The following IL7 variants were observed in gnomAD, a reference collection of about 807,000 sequenced individuals.
IL7 encodes the protein interleukin 7.
IL7 carries 3 observed loss-of-function variants against 21.6 expected under a neutral mutation model. The observed-to-expected ratio is 0.14, with a 90% CI of 0.06 to 0.36. The LOEUF (loss-of-function observed/expected upper bound fraction) is 0.36. Among genes scored for constraint, IL7 ranks in the 10% least tolerant of loss-of-function variants. IL7 has a pLI of 1.00. For missense variants in IL7, 175 were observed against 200.2 expected (o/e 0.87, Z 0.76); for synonymous variants, 62 against 68.1 (o/e 0.91, Z 0.44).
At chr8:78,749,395 A>C (rs1368119413) in intron 2 of IL7, among the ~76,000 whole-genome samples, 1 of 152,108 alleles carries the variant, frequency 6.6e-6, no homozygotes, top group Non-Finnish European at 1.5e-5. Flanking sequence ...AAAAAGCTAA[A>C]CCCATTAAAA....
chr8:78,761,263 A>T, intron 2 of IL7: 1 of 1,606,492 alleles, frequency 6.2e-7, no homozygotes, highest in Non-Finnish European at 8.5e-7. Context: ...GGAAAAAAGA[A>T]CAAACTTCCT....
At chr8:78,795,192 A>T (rs143769018) in intron 2 of IL7, among the ~76,000 whole-genome samples, 1 of 152,112 alleles carries the variant, frequency 6.6e-6, no homozygotes, top group Non-Finnish European at 1.5e-5. Context: ...AGCACTTCAT[A>T]ACTATTAGTA....
At chr8:78,741,671 A>G (rs1275798190) in intron 2 of IL7, among the ~76,000 whole-genome samples, 1 of 152,226 alleles carries the variant, frequency 6.6e-6, no homozygotes, top group Non-Finnish European at 1.5e-5. Context: ...AGATAATGTT[A>G]TACCAGTTGA....
chr8:78,791,577 T>C (rs938592513), intron 2 of IL7, among the ~76,000 whole-genome samples: 2 of 152,060 alleles, frequency 1.3e-5, no homozygotes, highest in African/African-American at 4.8e-5. Context: ...GAGGTGGAGA[T>C]TTCAATGAGC....
chr8:78,685,117 A>G (rs371606466), intron 4 of IL7, among the ~76,000 whole-genome samples: 3 of 152,200 alleles, frequency 2.0e-5, no homozygotes, highest in Admixed American at 6.5e-5. Context: ...GATAGTCAGA[A>G]CCGTGGAATG....
intron 2 of IL7, among the ~76,000 whole-genome samples, chr8:78,792,475 A>G (rs1389337992): frequency 1.3e-5 from 2 of 152,134 alleles, no homozygotes; most frequent in Non-Finnish European, 2.9e-5. Context: ...CACTATCAAG[A>G]AAATAAAAAA....
At chr8:78,745,674 A>T (rs1811955953) in intron 2 of IL7, among the ~76,000 whole-genome samples, 1 of 152,254 alleles carries the variant, frequency 6.6e-6, no homozygotes, top group Admixed American at 6.5e-5. Context: ...AAAAGATGCT[A>T]AAGTAGAGTA....
intron 3 of IL7, among the ~76,000 whole-genome samples, chr8:78,691,449 T>C (rs903609825): frequency 2.0e-5 from 3 of 152,138 alleles, no homozygotes; most frequent in African/African-American, 7.2e-5. Flanking sequence ...TGCTCACTTC[T>C]TTTCTCTCTA....
chr8:78,764,563 C>T (rs1812688632), intron 2 of IL7, among the ~76,000 whole-genome samples: 1 of 151,976 alleles, frequency 6.6e-6, no homozygotes, highest in African/African-American at 2.4e-5. Context: ...AAATTAAAAA[C>T]CCATTGCCAC....
At chr8:78,702,070 G>A (rs1810623982) in intron 3 of IL7, among the ~76,000 whole-genome samples, 1 of 152,136 alleles carries the variant, frequency 6.6e-6, no homozygotes, top group Non-Finnish European at 1.5e-5. Flanking sequence ...TGTGCATCTA[G>A]TAGAATTCAG....
At chr8:78,767,165 T>A (rs913035336) in intron 2 of IL7, among the ~76,000 whole-genome samples, 5 of 152,148 alleles carry the variant, frequency 3.3e-5, no homozygotes, top group South Asian at 2.1e-4. Context: ...ATTAAAAAAA[T>A]TTTTGATATT....
At chr8:78,729,105 T>C (rs75811936), downstream of IL7, among the ~76,000 whole-genome samples, 2,376 of 152,134 alleles carry the variant, frequency 0.016, 58 homozygotes, top group African/African-American at 0.055. Context: ...TTGCCAGTCA[T>C]GTATTATATG....
chr8:78,750,399 G>T (rs1401426486), intron 2 of IL7, among the ~76,000 whole-genome samples: 1 of 151,236 alleles, frequency 6.6e-6, no homozygotes, highest in Non-Finnish European at 1.5e-5. Context: ...ATTATAATCA[G>T]CTATGAAAAA....
At chr8:78,676,089 C>T in exon 5 of IL7, 1 of 355,446 alleles carries the variant, frequency 2.8e-6, no homozygotes, top group Non-Finnish European at 5.0e-6. Flanking sequence ...AAAGGTATTC[C>T]TCATTTTACG....
chr8:78,804,301 C>T (rs3888020), intron 1 of IL7, among the ~76,000 whole-genome samples: 1 of 151,804 alleles, frequency 6.6e-6, no homozygotes, highest in Middle Eastern at 3.2e-3. Context: ...AACAAAAAAA[C>T]CCAGAAGCTG....
intron 2 of IL7, among the ~76,000 whole-genome samples, chr8:78,796,193 A>G (rs1257522633): frequency 1.3e-5 from 2 of 152,030 alleles, no homozygotes; most frequent in African/African-American, 4.8e-5. Context: ...TCAACAACAG[A>G]CTTCTAGAAC....
chr8:78,802,136 A>C (rs183384232), intron 1 of IL7, among the ~76,000 whole-genome samples: 57 of 152,286 alleles, frequency 3.7e-4, no homozygotes, highest in African/African-American at 1.3e-3. Context: ...CTGTCTAAAA[A>C]TTCTTGTTGG....
intron 5 of IL7, chr8:78,719,219 GT>G (rs902335921): frequency 5.0e-5 from 5 of 100,842 alleles, no homozygotes; most frequent in African/African-American, 1.5e-4. Context: ...ACTGAGCACT[GT>G]TTTTTTGTCA....
At chr8:78,722,231 G>A (rs529432313) in intron 3 of IL7, among the ~76,000 whole-genome samples, 9 of 151,866 alleles carry the variant, frequency 5.9e-5, no homozygotes, top group East Asian at 1.9e-4. Context: ...TGAAACTGCC[G>A]CCTTTTACGT....
Sources: allele counts gnomAD v4.1 joint callset (sites outside exome capture counted in the v4.1 genomes callset), GRCh38; gene constraint gnomAD v4.1.1; transcripts MANE v1.5; gene names NCBI Gene and HGNC (gene_info 2026-07-23, HGNC 2026-07-21).